The following PDE2A variants were observed in gnomAD, a reference collection of about 807,000 sequenced individuals.
PDE2A encodes phosphodiesterase 2A, also known as cGMP-dependent 3',5'-cyclic phosphodiesterase.
A neutral mutation model predicts 133.6 loss-of-function variants in PDE2A; 53 were observed. That is an observed-to-expected ratio of 0.40 (90% CI 0.32 to 0.50). The LOEUF is 0.50. Ranked by LOEUF, PDE2A falls within the 20% of genes least tolerant of loss-of-function variation. The probability of loss-of-function intolerance (pLI) is 0.73; values close to 1 mark genes in which losing one functional copy is unlikely to be tolerated. For synonymous variants in PDE2A, 491 were observed against 490.2 expected (o/e 1.00, Z -0.02); for missense variants, 796 against 1,232.4 (o/e 0.65, Z 5.30).
intron 1 of PDE2A, among the ~76,000 whole-genome samples, chr11:72,663,631 A>G (rs1377263870): frequency 6.6e-6 from 1 of 151,612 alleles, no homozygotes; most frequent in Non-Finnish European, 1.5e-5. Context: ...TGGGAGGCTG[A>G]GGCAGGACAA....
chr11:72,616,434 C>G (rs1282344513), intron 2 of PDE2A, among the ~76,000 whole-genome samples: 1 of 152,194 alleles, frequency 6.6e-6, no homozygotes. Flanking sequence ...TGTCCTGCCC[C>G]TCTCCAGGTC....
Position 72,642,238 on chromosome 11 carries a change from G to C in PDE2A, c.144+16C>G. 2.0e-6 allele frequency: 3 copies of C among 1,496,112 alleles called. No individual in the cohort carries two copies. The highest frequency in any genetic ancestry group is 2.7e-6 in the Non-Finnish European group (3 of 1,124,336). The allele number at this position is 1,496,112 out of a possible 1,614,324, so 92.7% of individuals were successfully genotyped here. The stretch of plus-strand genomic sequence containing the variant: ...ACACCCCGTTCTCCTGGTGCCCAGC[G>C]CGGGGGCCCCCCTACCTGCAGGCTG... On this transcript the variant is annotated intron_variant, in intron 2 of 30. Transcript: ENST00000334456.
chr11:72,585,876 A>T (rs916159037), intron 14 of PDE2A, among the ~76,000 whole-genome samples, 194 bp downstream of exon 14: 6 of 152,206 alleles, frequency 3.9e-5, no homozygotes, highest in African/African-American at 1.4e-4. Context: ...CTAGAGGGCG[A>T]TCACATACAG....
intron 2 of PDE2A, among the ~76,000 whole-genome samples, chr11:72,618,623 T>C (rs12279246): frequency 0.024 from 3,711 of 152,300 alleles, 148 homozygotes; most frequent in African/African-American, 0.085. Context: ...GCTTTGGTTG[T>C]CTTTTCTGGA....
chr11:72,621,987 T>C (rs778460348), intron 2 of PDE2A, among the ~76,000 whole-genome samples: 2 of 152,098 alleles, frequency 1.3e-5, no homozygotes, highest in African/African-American at 4.8e-5. Flanking sequence ...ACCCCTGCAA[T>C]TCAATAACAA....
chr11:72,673,402 C>T (rs1855427266), intron 1 of PDE2A, among the ~76,000 whole-genome samples: 1 of 151,178 alleles, frequency 6.6e-6, no homozygotes, highest in Non-Finnish European at 1.5e-5. Context: ...CATGTATACA[C>T]ACACACACAC....
intron 4 of PDE2A, among the ~76,000 whole-genome samples, chr11:72,601,512 T>C (rs1004836713): frequency 2.6e-5 from 4 of 151,454 alleles, no homozygotes; most frequent in Non-Finnish European, 5.9e-5. Flanking sequence ...GGGGAAGAAA[T>C]TTCTTAGGGA....
At chr11:72,633,097 G>A (rs1858501194) in intron 2 of PDE2A, among the ~76,000 whole-genome samples, 1 of 152,098 alleles carries the variant, frequency 6.6e-6, no homozygotes, top group Non-Finnish European at 1.5e-5. Flanking sequence ...TGGAGGCCTG[G>A]ACTCCATAGC....
At chr11:72,629,272 C>T (rs1358036267) in intron 2 of PDE2A, among the ~76,000 whole-genome samples, 1 of 152,212 alleles carries the variant, frequency 6.6e-6, no homozygotes, top group Non-Finnish European at 1.5e-5. Context: ...AGGCAGATGG[C>T]CTAGGCAGCG....
chr11:72,664,198 C>T (rs1053298226), intron 1 of PDE2A, among the ~76,000 whole-genome samples: 4 of 152,196 alleles, frequency 2.6e-5, no homozygotes, highest in Admixed American at 1.3e-4. Flanking sequence ...CCTCTGCCAA[C>T]GCCCCTGGCC....
At position 72,642,313 on chromosome 11, in the gene PDE2A, C is replaced by T. The variant is rs1858990549; in HGVS notation, c.85G>A (p.Val29Ile). 4 of 1,539,514 alleles carry T rather than the reference C, an allele frequency of 2.6e-6. No individual in the cohort carries two copies. Among genetic ancestry groups the T allele is most frequent in the Admixed American group, 4.0e-5 (2 of 50,018 alleles). Residue 29 changes from valine to isoleucine, a missense_variant, in exon 2 of 31, where the codon GTC becomes ATC. Coordinates refer to ENST00000334456, the MANE Select transcript of PDE2A (RefSeq NM_002599.5). ...GGCGGCTCGTCCGGCTTGAGGAAGA[C>T]CTGCTGGCCCCGCCTGAGGAATTGG... The part of the protein sequence containing the change: ...ARPAEPRGQQ[V>I]FLKPDEPPPP...
At chr11:72,647,956 T>TAG (rs1005895229) in intron 1 of PDE2A, among the ~76,000 whole-genome samples, 92 of 152,324 alleles carry the variant, frequency 6.0e-4, no homozygotes, top group African/African-American at 2.1e-3. Context: ...CGGGTGTGTC[T>TAG]ATGCAGATAG....
chr11:72,674,264 G>T lies in PDE2A; in HGVS notation c.-57C>A. Reference sequence around the variant, plus strand: ...TAAGGTGGCACCTCGCCCTGTCCCCGCTGCCTGGAGTTCAGGGCAGGGCAC... The same window carrying T: ...TAAGGTGGCACCTCGCCCTGTCCCCTCTGCCTGGAGTTCAGGGCAGGGCAC... On this transcript the variant is annotated 5_prime_UTR_variant, in exon 1 of 31. Coordinates refer to ENST00000334456, the MANE Select transcript of PDE2A (RefSeq NM_002599.5). 1 of 1,541,042 alleles carries T rather than the reference G, an allele frequency of 6.5e-7. No individual in the cohort carries two copies.
At chr11:72,630,939 T>C in intron 2 of PDE2A, 1 of 670,826 alleles carries the variant, frequency 1.5e-6, no homozygotes, top group Non-Finnish European at 2.7e-6. Context: ...ATAGGGGTGG[T>C]CCTAGTCTGG....
intron 1 of PDE2A, among the ~76,000 whole-genome samples, chr11:72,660,273 T>A (rs1855014382): frequency 6.6e-6 from 1 of 152,096 alleles, no homozygotes; most frequent in African/African-American, 2.4e-5. Flanking sequence ...AAAGTAGTCA[T>A]ACCCCCACCT....
chr11:72,656,663 C>T (rs149539221), intron 1 of PDE2A, among the ~76,000 whole-genome samples: 1 of 152,136 alleles, frequency 6.6e-6, no homozygotes, highest in Non-Finnish European at 1.5e-5. Context: ...AGGGCAAAGT[C>T]ACCCATGGGC....
intron 1 of PDE2A, among the ~76,000 whole-genome samples, chr11:72,647,902 T>C (rs1859171656): frequency 6.6e-6 from 1 of 152,200 alleles, no homozygotes; most frequent in South Asian, 2.1e-4. Context: ...GCTGAACTTA[T>C]ATGTGTATAC....
chr11:72,640,545 C>T (rs1222724718), intron 2 of PDE2A, among the ~76,000 whole-genome samples: 1 of 152,118 alleles, frequency 6.6e-6, no homozygotes, highest in African/African-American at 2.4e-5. Context: ...ATTCAAACAC[C>T]AGCACTCAGG....
intron 1 of PDE2A, among the ~76,000 whole-genome samples, chr11:72,655,524 C>T (rs564433478): frequency 6.6e-6 from 1 of 151,150 alleles, no homozygotes; most frequent in African/African-American, 2.4e-5. Context: ...TGTGTGTGTG[C>T]ATGTGTGTGT....
Sources: gnomAD v4.1 joint callset for allele counts (sites outside exome capture counted in the v4.1 genomes callset) on GRCh38, gnomAD v4.1.1 for gene constraint, MANE v1.5 for transcripts, NCBI Gene and HGNC (gene_info 2026-07-23, HGNC 2026-07-21) for gene names.